The following C20orf96 variants were observed in gnomAD, a reference collection of about 807,000 sequenced individuals.
C20orf96 encodes the protein uncharacterized protein C20orf96.
Under a neutral mutation model 52.6 loss-of-function variants are expected in C20orf96, and 57 were observed. The ratio of observed to expected loss-of-function variants is 1.08; its 90% CI spans 0.88 to 1.35. The LOEUF is 1.35. C20orf96 is among the 40% of genes most tolerant of loss of function. The pLI, the probability that C20orf96 is intolerant of heterozygous loss-of-function variation, is 0.00. For missense variants in C20orf96, 478 were observed against 443.6 expected, an observed-to-expected ratio of 1.08 and a Z score of -0.70; for synonymous variants, 168 against 157.2, an observed-to-expected ratio of 1.07 and a Z score of -0.51.
intron 9 of C20orf96, 183 bp downstream of exon 9, chr20:276,610 C>T (rs1490094822): frequency 4.9e-6 from 7 of 1,440,650 alleles, no homozygotes; most frequent in African/African-American, 1.4e-5. Flanking sequence ...TAGGTCAGTG[C>T]CAATCGCCTT....
At chr20:282,371 T>C (rs757718145) in intron 4 of C20orf96, among the ~76,000 whole-genome samples, 4 of 152,220 alleles carry the variant, frequency 2.6e-5, no homozygotes, top group Non-Finnish European at 2.9e-5. Context: ...GAGGTCACAT[T>C]ACTGGTGAAC....
intron 3 of C20orf96, among the ~76,000 whole-genome samples, chr20:288,623 C>T (rs571874683): frequency 1.3e-5 from 2 of 152,244 alleles, no homozygotes; most frequent in Admixed American, 6.5e-5. Context: ...CCCCACCCAG[C>T]ATCAGTGAGG....
intron 4 of C20orf96, among the ~76,000 whole-genome samples, chr20:280,989 T>C (rs1024433000): frequency 1.3e-5 from 2 of 152,118 alleles, no homozygotes; most frequent in Non-Finnish European, 2.9e-5. Flanking sequence ...ACCTCATTTC[T>C]ACAAAAAGTA....
chr20:278,386 T>C lies in C20orf96; in HGVS notation c.509A>G (p.Gln170Arg). 1 of 1,614,036 alleles carries C rather than the reference T, an allele frequency of 6.2e-7. No individual in the cohort carries two copies. The highest frequency in any genetic ancestry group is 8.5e-7 in the Non-Finnish European group (1 of 1,179,946). Residue 170 changes from glutamine to arginine, a missense_variant, in exon 6 of 11, where the codon CAG becomes CGG. Coordinates refer to ENST00000360321, the MANE Select transcript of C20orf96 (RefSeq NM_153269.3). ...CTCCTGAAGCTCAGATTTCAATTGC[T>C]GCAGCCTCTTCTTGTTTGAGTACTC... ...ILEYSNKKRL[Q>R]QLKSELQEWE...
intron 4 of C20orf96, 95 bp from the exon 5 acceptor site, chr20:279,425 C>T: frequency 2.2e-6 from 3 of 1,343,292 alleles, no homozygotes; most frequent in Non-Finnish European, 2.9e-6. Flanking sequence ...CCCCGCCAGA[C>T]GCCCGCCCCC....
At position 276,832 on chromosome 20, in the gene C20orf96, T is replaced by C; in HGVS notation, c.873A>G (p.Glu291=). Residue 291 remains glutamate, a synonymous_variant, in exon 9 of 11, where the codon GAA becomes GAG. Transcript: ENST00000360321. The stretch of plus-strand genomic sequence containing the variant: ...GCATGCATTTCAGGAAGTCCTGGCT[T>C]TCCCACATCTTCTGTAGGAGAGCCT... ...YEEALLQKMW[E]SQDFLKCMQR... is the part of the protein sequence containing the mutation. The C allele has an allele frequency of 6.2e-7, 1 of 1,613,886 alleles. No homozygotes were observed. The highest frequency in any genetic ancestry group is 8.5e-7 in the Non-Finnish European group (1 of 1,179,882).
chr20:276,456 G>C, intron 9 of C20orf96: 2 of 985,426 alleles, frequency 2.0e-6, no homozygotes, highest in Non-Finnish European at 2.4e-6. Context: ...TGATGGTGAA[G>C]TTCATTAACA....
At chr20:290,051 T>C (rs2012496597) in intron 2 of C20orf96, among the ~76,000 whole-genome samples, 1 of 152,162 alleles carries the variant, frequency 6.6e-6, no homozygotes, top group Non-Finnish European at 1.5e-5. Flanking sequence ...CAGCATAATA[T>C]ACCCTTACAT....
At chr20:276,946 G>C (rs913716618) in intron 8 of C20orf96, 67 bp from the exon 9 acceptor site, 1 of 1,602,794 alleles carries the variant, frequency 6.2e-7, no homozygotes, top group African/African-American at 1.3e-5. Flanking sequence ...GGTAGAGACC[G>C]ATGGGGCTGC....
chr20:274,950 C>T (rs1040008616), intron 10 of C20orf96, among the ~76,000 whole-genome samples: 8 of 152,166 alleles, frequency 5.3e-5, no homozygotes, highest in African/African-American at 1.9e-4. Flanking sequence ...TCCCGAGTAG[C>T]TGGGATTACA....
intron 4 of C20orf96, among the ~76,000 whole-genome samples, chr20:280,610 T>G (rs1225418190): frequency 1.3e-5 from 2 of 152,236 alleles, no homozygotes; most frequent in Non-Finnish European, 2.9e-5. Context: ...AAGCCAGACT[T>G]CTGAATCCCA....
rs71327437 is a variant in C20orf96 at position 287,908 on chromosome 20, CAAAAAAAA to C, written c.187+1643_187+1650del. 1.4e-4 allele frequency among the ~76,000 whole-genome samples: 9 copies of C among 63,088 alleles called. 1 individual carries two copies. The highest frequency in any genetic ancestry group is 4.6e-4 in the African/African-American group (8 of 17,408). 41.4% of individuals were successfully genotyped at this position (63,088 alleles called of 152,430 possible). On this transcript the variant is annotated intron_variant, in intron 3 of 10. Coordinates refer to ENST00000360321, the MANE Select transcript of C20orf96 (RefSeq NM_153269.3). ...TGAGCAACAAAGCGAGACTCCTTCTCAAAAAAAAAAAAAAAAAAAAAAGTCTTTCACAG... is the reference window on the plus strand; with the variant it reads ...TGAGCAACAAAGCGAGACTCCTTCTCAAAAAAAAAAAAAAGTCTTTCACAG...
chr20:277,605 A>G (rs1182462651), intron 6 of C20orf96, among the ~76,000 whole-genome samples: 1 of 152,148 alleles, frequency 6.6e-6, no homozygotes, highest in East Asian at 1.9e-4. Context: ...AAGGAAGGGA[A>G]TTGGTGCATG....
At chr20:280,963 T>C (rs2122286267) in intron 4 of C20orf96, among the ~76,000 whole-genome samples, 2 of 152,278 alleles carry the variant, frequency 1.3e-5, no homozygotes, top group East Asian at 3.9e-4. Context: ...AAGACCAGCC[T>C]GGGCAACATA....
chr20:282,099 C>G (rs564155886), intron 4 of C20orf96, among the ~76,000 whole-genome samples: 3 of 152,316 alleles, frequency 2.0e-5, no homozygotes, highest in Non-Finnish European at 4.4e-5. Context: ...GACCAAAATA[C>G]CCAGAAGTAT....
chr20:278,290 G>T, intron 6 of C20orf96, 40 bp downstream of exon 6: 1 of 1,468,820 alleles, frequency 6.8e-7, no homozygotes, highest in Non-Finnish European at 9.5e-7. Flanking sequence ...TCCCCAAGGT[G>T]CCAGGGGGGA....
At chr20:273,533 G>A (rs1407365955) in intron 10 of C20orf96, among the ~76,000 whole-genome samples, 1 of 152,036 alleles carries the variant, frequency 6.6e-6, no homozygotes, top group East Asian at 1.9e-4. Context: ...CTCAACATGT[G>A]GTTGGTTCAT....
chr20:288,910 C>T (rs2012465817), intron 3 of C20orf96, among the ~76,000 whole-genome samples: 1 of 152,088 alleles, frequency 6.6e-6, no homozygotes, highest in African/African-American at 2.4e-5. Context: ...ATGAGAAAAC[C>T]AAGGCTCAGA....
rs773207477 is a variant in C20orf96 at position 279,270 on chromosome 20, T to C, written c.367A>G (p.Ser123Gly). ...TCGATCAGCTCCCGGTTGAGCTTGC[T>C]GAGGAAGTTCTCACGGCTTCGGAGC... ...RELRSRENFL[S>G]KLNRELIETI... is the part of the protein sequence containing the mutation. The change falls in exon 5 of 11, where the codon AGC (serine) becomes GGC (glycine). Residue 123 changes from serine (S) to glycine (G), a missense_variant. Coordinates refer to ENST00000360321, the MANE Select transcript of C20orf96 (RefSeq NM_153269.3). The C allele has an allele frequency of 6.2e-7, 1 of 1,610,758 alleles. No individual in the cohort carries two copies. The highest frequency in any genetic ancestry group is 1.1e-5 in the South Asian group (1 of 91,044).
Sources: gnomAD v4.1 joint callset for allele counts (sites outside exome capture counted in the v4.1 genomes callset) on GRCh38, gnomAD v4.1.1 for gene constraint, MANE v1.5 for transcripts, NCBI Gene and HGNC (gene_info 2026-07-23, HGNC 2026-07-21) for gene names.